The following SMYD3 variants were observed in gnomAD, a reference collection of about 807,000 sequenced individuals.
SMYD3 encodes histone-lysine N-methyltransferase SMYD3.
Under a neutral mutation model 57.7 loss-of-function variants are expected in SMYD3, and 36 were observed. The ratio of observed to expected loss-of-function variants is 0.62; its 90% confidence interval spans 0.48 to 0.82. The LOEUF (loss-of-function observed/expected upper bound fraction) is 0.82, where lower values mean the gene tolerates loss of function less well. SMYD3 is among the 40% of genes least tolerant of loss of function. The probability of loss-of-function intolerance (pLI) is 0.00; values close to 1 mark genes in which losing one functional copy is unlikely to be tolerated. For missense variants in SMYD3, 515 were observed against 538.8 expected (o/e 0.96, Z 0.44); for synonymous variants, 211 against 195.0 (o/e 1.08, Z -0.68).
intron 2 of SMYD3, among the ~76,000 whole-genome samples, chr1:246,339,945 C>G (rs1208661230): frequency 2.0e-5 from 3 of 152,158 alleles, no homozygotes; most frequent in Non-Finnish European, 4.4e-5. Context: ...GAAACACCAG[C>G]CAAATAAACT....
chr1:245,830,283 G>A (rs1428206261), intron 10 of SMYD3, among the ~76,000 whole-genome samples: 1 of 152,170 alleles, frequency 6.6e-6, no homozygotes, highest in East Asian at 1.9e-4. Flanking sequence ...TGGCTGGGGA[G>A]GCCTCACAAT....
intron 5 of SMYD3, among the ~76,000 whole-genome samples, chr1:246,191,490 TG>T (rs906757482): frequency 2.0e-5 from 3 of 152,170 alleles, no homozygotes; most frequent in Non-Finnish European, 2.9e-5. Flanking sequence ...GTCATGTAAC[TG>T]AAAGACAAGA....
At chr1:246,069,125 T>G (rs1288779959) in intron 5 of SMYD3, among the ~76,000 whole-genome samples, 2 of 152,204 alleles carry the variant, frequency 1.3e-5, no homozygotes, top group Non-Finnish European at 2.9e-5. Flanking sequence ...AGCACAGAGA[T>G]AACCGCCCCC....
At chr1:246,248,635 C>CTTTT (rs1558348050) in intron 5 of SMYD3, among the ~76,000 whole-genome samples, 20 of 68,324 alleles carry the variant, frequency 2.9e-4, no homozygotes, top group East Asian at 6.4e-3. Context: ...CTCTGACTTT[C>CTTTT]CTTTTTTTTT....
intron 5 of SMYD3, among the ~76,000 whole-genome samples, chr1:246,072,284 A>C (rs71533458): frequency 2.5e-3 from 121 of 47,766 alleles, no homozygotes; most frequent in Middle Eastern, 0.013. Context: ...CTCACTGTGG[A>C]TGCATCGTGT....
At chr1:245,793,043 G>A (rs1223239174) in intron 10 of SMYD3, among the ~76,000 whole-genome samples, 4 of 149,200 alleles carry the variant, frequency 2.7e-5, no homozygotes, top group Non-Finnish European at 5.9e-5. Context: ...AGGCACAGTG[G>A]CTCATGCCTG....
chr1:246,362,244 A>G (rs1309140832), intron 1 of SMYD3, among the ~76,000 whole-genome samples: 1 of 152,224 alleles, frequency 6.6e-6, no homozygotes, highest in East Asian at 1.9e-4. Flanking sequence ...GTCTTAAATT[A>G]TCATATAGTT....
At chr1:246,493,679 C>G (rs1437759310) in intron 1 of SMYD3, among the ~76,000 whole-genome samples, 1 of 151,992 alleles carries the variant, frequency 6.6e-6, no homozygotes, top group Non-Finnish European at 1.5e-5. Context: ...AGTTCAAAAC[C>G]CAGCACTCAC....
intron 10 of SMYD3, among the ~76,000 whole-genome samples, chr1:245,833,530 C>T (rs1040324313): frequency 6.6e-6 from 1 of 152,254 alleles, no homozygotes; most frequent in South Asian, 2.1e-4. Flanking sequence ...AGTAAAGTAC[C>T]CTTCTCATTA....
At chr1:245,878,400 G>A (rs1301895541) in intron 8 of SMYD3, among the ~76,000 whole-genome samples, 2 of 152,192 alleles carry the variant, frequency 1.3e-5, no homozygotes, top group African/African-American at 4.8e-5. Context: ...CAGAGGGTAG[G>A]GTCAAGAGCA....
chr1:246,231,647 G>A (rs1477601652), intron 5 of SMYD3, among the ~76,000 whole-genome samples: 1 of 152,172 alleles, frequency 6.6e-6, no homozygotes, highest in Non-Finnish European at 1.5e-5. Context: ...CCTAGAGATA[G>A]TATCTCTTAC....
At chr1:246,176,570 G>C (rs912957148) in intron 5 of SMYD3, among the ~76,000 whole-genome samples, 10 of 152,142 alleles carry the variant, frequency 6.6e-5, no homozygotes, top group Non-Finnish European at 1.2e-4. Context: ...GCCCAGACTG[G>C]AATGCAGTGG....
intron 5 of SMYD3, among the ~76,000 whole-genome samples, chr1:246,321,201 A>G (rs558619515): frequency 2.0e-4 from 31 of 152,366 alleles, no homozygotes; most frequent in Non-Finnish European, 4.3e-4. Flanking sequence ...CTGAGACTCT[A>G]GTTTACAAAC....
intron 5 of SMYD3, among the ~76,000 whole-genome samples, chr1:246,158,622 T>C (rs1286896458): frequency 2.0e-5 from 3 of 152,166 alleles, no homozygotes; most frequent in African/African-American, 7.2e-5. Flanking sequence ...TGCTTAGAAT[T>C]CCTAGCACAT....
At chr1:245,774,891 C>T (rs1263538865) in intron 10 of SMYD3, among the ~76,000 whole-genome samples, 2 of 152,164 alleles carry the variant, frequency 1.3e-5, no homozygotes, top group African/African-American at 2.4e-5. Context: ...TTGGTGGAGA[C>T]GGGGTTTCAC....
intron 5 of SMYD3, among the ~76,000 whole-genome samples, chr1:246,258,042 C>CTTTTA (rs59312545): frequency 0.21 from 31,415 of 151,880 alleles, 3,935 homozygotes; most frequent in East Asian, 0.58. Flanking sequence ...TCAGGTATTT[C>CTTTTA]TTTTCTTTTT....
chr1:245,947,539 C>A, intron 5 of SMYD3: 2 of 388,278 alleles, frequency 5.2e-6, no homozygotes, highest in Non-Finnish European at 1.0e-5. Flanking sequence ...GCCTGCATTT[C>A]TAAACCATCG....
intron 1 of SMYD3, among the ~76,000 whole-genome samples, chr1:246,378,800 T>A (rs1347482932): frequency 9.4e-6 from 1 of 106,852 alleles, no homozygotes; most frequent in East Asian, 2.2e-4. Flanking sequence ...ATATTATTTT[T>A]ATATATTATA....
chr1:246,419,156 T>A (rs1307626162), intron 1 of SMYD3, among the ~76,000 whole-genome samples: 1 of 152,052 alleles, frequency 6.6e-6, no homozygotes, highest in East Asian at 1.9e-4. Flanking sequence ...TGCTCCTAAC[T>A]CCACCGCCTA....
Sources: allele counts gnomAD v4.1 joint callset (sites outside exome capture counted in the v4.1 genomes callset), GRCh38; gene constraint gnomAD v4.1.1; transcripts MANE v1.5; gene names NCBI Gene and HGNC (gene_info 2026-07-23, HGNC 2026-07-21).